PTPRG: variants seen among roughly 807,000 people sequenced by gnomAD.
PTPRG encodes the protein receptor-type tyrosine-protein phosphatase gamma.
Under a neutral mutation model 165.3 loss-of-function variants are expected in PTPRG, and 102 were observed. The observed-to-expected ratio is 0.62, with a 90% CI of 0.53 to 0.73. The LOEUF is 0.73. PTPRG is among the 30% of genes least tolerant of loss of function. The probability of loss-of-function intolerance (pLI) is 0.00; values close to 1 mark genes in which losing one functional copy is unlikely to be tolerated. For synonymous variants in PTPRG, 675 were observed against 669.5 expected (o/e 1.01, Z -0.13); for missense variants, 1,866 against 1,861.4 (o/e 1.00, Z -0.05).
At chr3:62,036,282 G>A (rs1019068281) in intron 4 of PTPRG, among the ~76,000 whole-genome samples, 5 of 152,146 alleles carry the variant, frequency 3.3e-5, no homozygotes, top group Non-Finnish European at 7.4e-5. Flanking sequence ...TCTCAGAACT[G>A]CATAAGGAAT....
chr3:61,965,606 G>T (rs893270496), intron 2 of PTPRG, among the ~76,000 whole-genome samples: 1 of 143,170 alleles, frequency 7.0e-6, no homozygotes, highest in African/African-American at 2.7e-5. Context: ...AATAGCTTTG[G>T]GTATGCTCAT....
chr3:61,897,467 A>G (rs1438268528), intron 2 of PTPRG, among the ~76,000 whole-genome samples: 1 of 152,214 alleles, frequency 6.6e-6, no homozygotes, highest in Non-Finnish European at 1.5e-5. Flanking sequence ...CTCCACCAAT[A>G]TCACACTGTC....
chr3:61,702,319 C>G (rs758423956), intron 1 of PTPRG, among the ~76,000 whole-genome samples: 87 of 152,324 alleles, frequency 5.7e-4, no homozygotes, highest in Non-Finnish European at 4.7e-4. Context: ...CCTGCTAAGA[C>G]TTTACCCATC....
intron 9 of PTPRG, among the ~76,000 whole-genome samples, chr3:62,192,758 T>C (rs1341729412): frequency 6.6e-6 from 1 of 152,044 alleles, no homozygotes; most frequent in African/African-American, 2.4e-5. Context: ...AAGTGACACA[T>C]TTGGTTTGAA....
In PTPRG at chr3:62,186,123, G is replaced by A. The variant is rs144828039; in HGVS notation, c.1034-5346G>A. Among the ~76,000 whole-genome samples, 12 of 152,266 alleles carry A rather than the reference G, an allele frequency of 7.9e-5. No individual in the cohort carries two copies. The East Asian group carries it at 1.2e-3, about 15-fold the overall frequency. On this transcript the variant is annotated intron_variant, in intron 8 of 29. Coordinates refer to ENST00000474889, the MANE Select transcript of PTPRG (RefSeq NM_002841.4). ...TATTTGACGGGTGTCTGGTACTATC[G>A]TTGCCCCAGTCGCCAAGCATCGGTG...
intron 1 of PTPRG, among the ~76,000 whole-genome samples, chr3:61,623,249 T>C (rs1225639711): frequency 6.6e-6 from 1 of 152,190 alleles, no homozygotes; most frequent in African/African-American, 2.4e-5. Context: ...GTGGAATACA[T>C]TGGCCCTACC....
intron 2 of PTPRG, among the ~76,000 whole-genome samples, chr3:61,755,971 G>A (rs1171574814): frequency 1.3e-5 from 2 of 152,126 alleles, no homozygotes; most frequent in African/African-American, 4.8e-5. Flanking sequence ...AAAAATGATG[G>A]GGCTGTATCA....
At chr3:61,676,603 G>T (rs559833579) in intron 1 of PTPRG, among the ~76,000 whole-genome samples, 1 of 151,706 alleles carries the variant, frequency 6.6e-6, no homozygotes, top group Non-Finnish European at 1.5e-5. Flanking sequence ...TTTATTGCCC[G>T]ATGTCTTGGC....
intron 2 of PTPRG, among the ~76,000 whole-genome samples, chr3:61,773,608 G>GT (rs1403553809): frequency 6.6e-6 from 1 of 152,070 alleles, no homozygotes; most frequent in Non-Finnish European, 1.5e-5. Flanking sequence ...TAAGAGGAGA[G>GT]TATGATTACT....
intron 1 of PTPRG, among the ~76,000 whole-genome samples, chr3:61,609,935 A>G (rs947859062): frequency 2.0e-5 from 3 of 151,800 alleles, no homozygotes; most frequent in African/African-American, 7.3e-5. Flanking sequence ...CAACAAGTTA[A>G]CAATTAAAGA....
Position 61,830,566 on chromosome 3 carries a change from G to GTT in PTPRG, c.190+81607_190+81608dup, listed in dbSNP as rs57644199. ...ACTGGTGATGGTTCTTTTTGTTTTT[G>GTT]TTTTTTTTTTTTTTTTTTTTTTTTG... is the stretch of plus-strand genomic sequence containing the variant. On this transcript the variant is annotated intron_variant, in intron 2 of 29. Coordinates refer to ENST00000474889, the MANE Select transcript of PTPRG (RefSeq NM_002841.4). Among the ~76,000 whole-genome samples, 485 of 86,476 alleles carry GTT rather than the reference G, an allele frequency of 5.6e-3. 6 individuals carry two copies. The highest frequency in any genetic ancestry group is 0.011 in the Middle Eastern group (1 of 90). The allele number at this position is 86,476 out of a possible 152,430, so 56.7% of individuals were successfully genotyped here. A position where few individuals can be genotyped will look rare whatever the true frequency, so the allele number is the denominator to read the frequency against.
intron 2 of PTPRG, among the ~76,000 whole-genome samples, chr3:61,985,151 G>T (rs2040727190): frequency 6.6e-6 from 1 of 152,222 alleles, no homozygotes; most frequent in Admixed American, 6.5e-5. Flanking sequence ...TGCCAGAGGG[G>T]CGAACTCTAC....
At chr3:61,856,966 C>G (rs942231327) in intron 2 of PTPRG, among the ~76,000 whole-genome samples, 5 of 152,138 alleles carry the variant, frequency 3.3e-5, no homozygotes, top group African/African-American at 1.2e-4. Context: ...TTCAAGTCTT[C>G]TACTGCATTT....
chr3:61,586,594 A>T (rs2886515), intron 1 of PTPRG, among the ~76,000 whole-genome samples: 1 of 152,184 alleles, frequency 6.6e-6, no homozygotes, highest in African/African-American at 2.4e-5. Context: ...GCTACTTTTG[A>T]GAGCCTGACT....
intron 1 of PTPRG, among the ~76,000 whole-genome samples, chr3:61,584,573 GTTTTT>G (rs11359920): frequency 6.9e-6 from 1 of 144,856 alleles, no homozygotes; most frequent in Non-Finnish European, 1.5e-5. Flanking sequence ...TAAAGTTTAG[GTTTTT>G]TTTTTTTTTT....
intron 1 of PTPRG, among the ~76,000 whole-genome samples, chr3:61,583,120 T>C (rs574876625): frequency 6.6e-6 from 1 of 152,348 alleles, no homozygotes; most frequent in African/African-American, 2.4e-5. Flanking sequence ...TGGACCCATA[T>C]CTGCCTTGTA....
At chr3:61,650,708 T>A (rs948908742) in intron 1 of PTPRG, among the ~76,000 whole-genome samples, 2 of 152,242 alleles carry the variant, frequency 1.3e-5, no homozygotes, top group African/African-American at 4.8e-5. Flanking sequence ...CACAGTCAAC[T>A]TTTATCTTAA....
intron 2 of PTPRG, among the ~76,000 whole-genome samples, chr3:61,908,121 TA>T (rs1183592777): frequency 0.024 from 1,618 of 67,162 alleles, 29 homozygotes; most frequent in East Asian, 0.037. Context: ...CACCTCTCTT[TA>T]AAAAAAAAAA....
chr3:61,864,918 TA>T (rs2037364398), intron 2 of PTPRG, among the ~76,000 whole-genome samples: 1 of 152,202 alleles, frequency 6.6e-6, no homozygotes, highest in Non-Finnish European at 1.5e-5. Context: ...TCTGTCATGA[TA>T]TTTCAATGTC....
Sources: allele counts gnomAD v4.1 joint callset (sites outside exome capture counted in the v4.1 genomes callset), GRCh38; gene constraint gnomAD v4.1.1; transcripts MANE v1.5; gene names NCBI Gene and HGNC (gene_info 2026-07-23, HGNC 2026-07-21).